Variants in KIF16B observed in about 807,000 individuals in gnomAD.
KIF16B encodes the protein kinesin-like protein KIF16B.
In KIF16B, 98 loss-of-function variants were observed where a neutral mutation model predicts 156.3. The ratio of observed to expected loss-of-function variants is 0.63; its 90% confidence interval spans 0.53 to 0.74. The LOEUF (loss-of-function observed/expected upper bound fraction) is 0.74. Among genes scored for constraint, KIF16B ranks in the 30% least tolerant of loss-of-function variants. The pLI is 0.00. For synonymous variants in KIF16B, 564 were observed against 583.7 expected (o/e 0.97, Z 0.49); for missense variants, 1,421 against 1,606.5 (o/e 0.88, Z 1.97).
chr20:16,275,041 C>T (rs1601463812), intron 25 of KIF16B, among the ~76,000 whole-genome samples: 1 of 151,398 alleles, frequency 6.6e-6, no homozygotes, highest in Admixed American at 6.6e-5. Flanking sequence ...AAAACTGGTG[C>T]ATGATAAATT....
At chr20:16,494,155 A>G (rs1239388933) in intron 12 of KIF16B, 136 bp downstream of exon 12, 1 of 618,594 alleles carries the variant, frequency 1.6e-6, no homozygotes, top group Admixed American at 3.5e-5. Flanking sequence ...CCATCCCATG[A>G]AAGTCACTAA....
chr20:16,560,754 A>C (rs1005255466), intron 1 of KIF16B, among the ~76,000 whole-genome samples: 1 of 151,944 alleles, frequency 6.6e-6, no homozygotes, highest in Non-Finnish European at 1.5e-5. Flanking sequence ...CACTGCACTC[A>C]AGCCTGGGTG....
intron 1 of KIF16B, among the ~76,000 whole-genome samples, chr20:16,536,307 G>C (rs1476498418): frequency 2.6e-5 from 4 of 152,028 alleles, no homozygotes; most frequent in Non-Finnish European, 5.9e-5. Context: ...TGGAGATAGA[G>C]AGTAGAATGA....
At chr20:16,363,521 T>C (rs1290356616) in intron 22 of KIF16B, among the ~76,000 whole-genome samples, 4 of 152,214 alleles carry the variant, frequency 2.6e-5, no homozygotes, top group Admixed American at 1.3e-4. Flanking sequence ...TAGTAGTACA[T>C]ATCCTGAGTC....
At chr20:16,477,662 C>T (rs1267465832) in intron 12 of KIF16B, among the ~76,000 whole-genome samples, 2 of 152,038 alleles carry the variant, frequency 1.3e-5, no homozygotes. Flanking sequence ...AGTTTTAGGT[C>T]TTTGTTTAGG....
chr20:16,433,438 G>A (rs1377899014), intron 12 of KIF16B, among the ~76,000 whole-genome samples: 3 of 151,698 alleles, frequency 2.0e-5, no homozygotes, highest in Non-Finnish European at 2.9e-5. Context: ...TCCCAGTTTC[G>A]TTTACTATTC....
At chr20:16,453,074 C>A (rs1341732792) in intron 12 of KIF16B, among the ~76,000 whole-genome samples, 2 of 150,680 alleles carry the variant, frequency 1.3e-5, no homozygotes, top group Non-Finnish European at 3.0e-5. Context: ...ATGAAACTAG[C>A]CTGGGCAACA....
At chr20:16,356,560 A>G (rs1190344252) in intron 22 of KIF16B, 108 bp from the exon 23 acceptor site, 3 of 1,229,012 alleles carry the variant, frequency 2.4e-6, no homozygotes, top group Non-Finnish European at 3.4e-6. Context: ...TAGAGAAAAG[A>G]GCATCAAACC....
rs150144480 is a variant in KIF16B at position 16,461,836 on chromosome 20, G to A, written c.1303-31854C>T. 7.2e-5 allele frequency among the ~76,000 whole-genome samples: 11 copies of A among 152,332 alleles called. No individual in the cohort carries two copies. The East Asian group carries it at 2.1e-3, about 29-fold the overall frequency. On this transcript the variant is annotated intron_variant, in intron 12 of 25. Coordinates refer to ENST00000354981, the MANE Select transcript of KIF16B (RefSeq NM_024704.5). ...TGTTAATGTTTCTAGTGATTCTCAA[G>A]TAACTAACGAAGGCAGTTATTTGAG...
intron 15 of KIF16B, among the ~76,000 whole-genome samples, chr20:16,424,490 A>G (rs1439280326): frequency 6.6e-6 from 1 of 152,270 alleles, no homozygotes; most frequent in African/African-American, 2.4e-5. Flanking sequence ...CCATCTCTCC[A>G]ATTCCTATGT....
chr20:16,419,958 T>G (rs918436512), intron 15 of KIF16B, among the ~76,000 whole-genome samples: 10 of 152,172 alleles, frequency 6.6e-5, no homozygotes, highest in African/African-American at 2.4e-4. Flanking sequence ...CATTTTCTTC[T>G]TGGTAAAATT....
chr20:16,345,665 AAAC>A (rs1242766947), intron 23 of KIF16B, among the ~76,000 whole-genome samples: 1 of 152,212 alleles, frequency 6.6e-6, no homozygotes, highest in Non-Finnish European at 1.5e-5. Flanking sequence ...ACACGTTAAG[AAAC>A]AACAGATAGT....
At chr20:16,538,656 TATGTCAGC>T (rs1396629368) in intron 1 of KIF16B, among the ~76,000 whole-genome samples, 1 of 152,122 alleles carries the variant, frequency 6.6e-6, no homozygotes, top group Non-Finnish European at 1.5e-5. Flanking sequence ...AGAGATAAAT[TATGTCAGC>T]ATTCAGATAC....
chr20:16,360,874 C>T (rs2064538435), intron 22 of KIF16B, among the ~76,000 whole-genome samples: 1 of 152,182 alleles, frequency 6.6e-6, no homozygotes, highest in African/African-American at 2.4e-5. Context: ...AGGAAATGAA[C>T]AGGAAGCGGC....
intron 1 of KIF16B, among the ~76,000 whole-genome samples, chr20:16,539,621 A>G (rs538724449): frequency 4.6e-5 from 7 of 152,262 alleles, no homozygotes; most frequent in Non-Finnish European, 1.5e-5. Context: ...ACCATGAGTA[A>G]AAGCTTCCTG....
intron 25 of KIF16B, among the ~76,000 whole-genome samples, chr20:16,276,209 T>C (rs999743727): frequency 4.6e-5 from 7 of 152,152 alleles, no homozygotes; most frequent in African/African-American, 1.7e-4. Context: ...GCATTTGTCA[T>C]AATTAGTACA....
At chr20:16,558,917 A>AAAAAC (rs1568686457) in intron 1 of KIF16B, among the ~76,000 whole-genome samples, 2 of 150,930 alleles carry the variant, frequency 1.3e-5, no homozygotes, top group African/African-American at 4.9e-5. Flanking sequence ...AAAAAAAAAA[A>AAAAAC]AAAACCAAGT....
chr20:16,339,250 C>T (rs1440196307), intron 23 of KIF16B, among the ~76,000 whole-genome samples: 1 of 152,164 alleles, frequency 6.6e-6, no homozygotes, highest in Non-Finnish European at 1.5e-5. Context: ...TTTGATCGTA[C>T]TCAGTCTATG....
chr20:16,374,520 T>C (rs1398156468), intron 19 of KIF16B, 111 bp from the exon 20 acceptor site: 1 of 1,021,018 alleles, frequency 9.8e-7, no homozygotes, highest in Non-Finnish European at 1.3e-6. Context: ...GTCCTCTGTG[T>C]GCAAAGAACT....
Sources: allele counts gnomAD v4.1 joint callset (sites outside exome capture counted in the v4.1 genomes callset), GRCh38; gene constraint gnomAD v4.1.1; transcripts MANE v1.5; gene names NCBI Gene and HGNC (gene_info 2026-07-23, HGNC 2026-07-21).